ITIH6: variants seen among roughly 807,000 people sequenced by gnomAD.
The protein encoded by ITIH6 is inter-alpha-trypsin inhibitor heavy chain H6.
In ITIH6, 60 loss-of-function variants were observed where a neutral mutation model predicts 58.2. The observed-to-expected ratio is 1.03, with a 90% confidence interval of 0.84 to 1.28. ITIH6 has a LOEUF of 1.28. Ranked by LOEUF, ITIH6 falls within the 50% of genes most tolerant of loss-of-function variation. The pLI is 0.00. For missense variants in ITIH6, 1,290 were observed against 1,021.1 expected (o/e 1.26, Z -3.59); for synonymous variants, 493 against 417.4 (o/e 1.18, Z -2.21).
At chrX:54,798,023 C>G (rs1413363752) in intron 1 of ITIH6, 86 bp downstream of exon 1, 4 of 612,422 alleles carry the variant, frequency 6.5e-6, no homozygotes, top group Non-Finnish European at 1.0e-5. Flanking sequence ...ACTGAAGAAA[C>G]ACACTGAATA....
At chrX:54,753,416 A>G (rs1285434126) in intron 11 of ITIH6, among the ~76,000 whole-genome samples, 1 of 111,552 alleles carries the variant, frequency 9.0e-6, no homozygotes, top group African/African-American at 3.3e-5. Context: ...TTGAAGTTCC[A>G]TCATATTTGT....
intron 6 of ITIH6, among the ~76,000 whole-genome samples, chrX:54,764,839 A>T (rs1359883825): frequency 1.1e-4 from 11 of 100,465 alleles, no homozygotes; most frequent in Admixed American, 3.3e-4. Flanking sequence ...CGCCACACTG[A>T]CTTCCACAAT....
rs1326501072 is a variant in ITIH6 at position 54,754,020 on chromosome X, G to T, written c.3203-55C>A. ...AGGGACTAATGTATCACATTCCTAG[G>T]AATTCTGGGACATACTCCCAGATAA... On this transcript the variant is annotated intron_variant, in intron 9 of 12. Transcript: ENST00000218436. The T allele has an allele frequency of 5.3e-6, 6 of 1,131,897 alleles. No individual in the cohort carries two copies. In the East Asian group the frequency reaches 1.5e-4, roughly 28 times the overall value. 93.3% of individuals were successfully genotyped at this position (1,131,897 alleles called of 1,213,427 possible).
At chrX:54,765,538 T>A (rs1241372201) in intron 6 of ITIH6, among the ~76,000 whole-genome samples, 4 of 110,589 alleles carry the variant, frequency 3.6e-5, no homozygotes, top group Non-Finnish European at 7.6e-5. Flanking sequence ...CATTGCTTAT[T>A]TTTCTCAGGT....
At chrX:54,761,056 A>G (rs764167170) in intron 6 of ITIH6, among the ~76,000 whole-genome samples, 1 of 111,996 alleles carries the variant, frequency 8.9e-6, no homozygotes, top group South Asian at 3.7e-4. Context: ...TCCCACCAAC[A>G]GTGTAAAAGT....
chrX:54,777,829 A>G (rs1929079367), intron 5 of ITIH6, among the ~76,000 whole-genome samples: 1 of 112,488 alleles, frequency 8.9e-6, no homozygotes, highest in Non-Finnish European at 1.9e-5. Context: ...TCTTTCCAAG[A>G]AGGACAGGTA....
intron 2 of ITIH6, among the ~76,000 whole-genome samples, chrX:54,795,411 A>G: frequency 8.9e-6 from 1 of 111,788 alleles, no homozygotes; most frequent in East Asian, 2.8e-4. Context: ...ATGTTTTGAG[A>G]GTATAGGATC....
At chrX:54,765,471 C>G (rs1156439034) in intron 6 of ITIH6, among the ~76,000 whole-genome samples, 1 of 105,943 alleles carries the variant, frequency 9.4e-6, no homozygotes, top group East Asian at 2.9e-4. Flanking sequence ...TTTCAGCTTT[C>G]TACATATGGC....
chrX:54,755,231 A>T (rs1016722197), intron 8 of ITIH6, 122 bp from the exon 9 acceptor site: 4 of 520,369 alleles, frequency 7.7e-6, no homozygotes, highest in Non-Finnish European at 1.3e-5. Context: ...CAGGACTGGG[A>T]CCTTATGCTC....
chrX:54,774,134 C>T lies in ITIH6; in HGVS notation c.850G>A (p.Val284Met). The T allele has an allele frequency of 8.4e-7, 1 of 1,184,612 alleles. No homozygotes were observed. The highest frequency in any genetic ancestry group is 1.1e-6 in the Non-Finnish European group (1 of 879,519). Residue 284 changes from valine (V) to methionine (M), a missense_variant, in exon 6 of 13, where the codon GTG (valine) becomes ATG (methionine). By Grantham distance (21) the Val-to-Met change is conservative (BLOSUM62 1). Transcript: ENST00000218436. ...PRGLPPMEKN[V>M]VFVIDVSSSM... Reference sequence around the variant, plus strand: ...CTGCTTACGTCAATAACAAAAACCACATTCTTCTCCATAGGTGGAAGGCCT... The same window carrying T: ...CTGCTTACGTCAATAACAAAAACCATATTCTTCTCCATAGGTGGAAGGCCT...
At chrX:54,763,462 C>A (rs1027660150) in intron 6 of ITIH6, among the ~76,000 whole-genome samples, 1 of 112,046 alleles carries the variant, frequency 8.9e-6, no homozygotes, top group East Asian at 2.8e-4. Flanking sequence ...TGAGATTTCC[C>A]AGCTATCTTT....
At chrX:54,751,634 A>G (rs1195309876) in intron 11 of ITIH6, among the ~76,000 whole-genome samples, 3 of 112,145 alleles carry the variant, frequency 2.7e-5, no homozygotes, top group Admixed American at 9.4e-5. Flanking sequence ...CTGAGTGTGT[A>G]ATATGTGTGT....
chrX:54,758,485 A>G lies in ITIH6; in HGVS notation c.1589T>C (p.Leu530Pro). ...GGCCCCTTCACTGTGGTGGGCCACA[A>G]GAAGCTGATCCTTGGGGCCACGGGC... ...LAARGPKDQL[L>P]VAHHSEGATN... The change falls in exon 8 of 13, where the codon CTT becomes CCT. Residue 530 changes from leucine (L) to proline (P), a missense_variant. Transcript: ENST00000218436. 2 of 1,210,600 alleles carry G rather than the reference A, an allele frequency of 1.7e-6. No individual in the cohort carries two copies. The highest frequency in any genetic ancestry group is 1.7e-5 in the African/African-American group (1 of 57,855).
intron 5 of ITIH6, among the ~76,000 whole-genome samples, chrX:54,779,678 A>C (rs1306577827): frequency 9.0e-6 from 1 of 111,530 alleles, no homozygotes; most frequent in East Asian, 2.8e-4. Flanking sequence ...TGGCAGGAGT[A>C]AGTCCTTACT....
At position 54,751,170 on chromosome X, in the gene ITIH6, T is replaced by A. The variant is rs1928348946; in HGVS notation, c.3563A>T (p.Glu1188Val). The A allele has an allele frequency of 8.3e-7, 1 of 1,211,197 alleles. No homozygotes were observed. The highest frequency in any genetic ancestry group is 1.7e-5 in the African/African-American group (1 of 57,814). ...QPALLKRPQLELYVAAAARLT... is the reference protein window; with the variant it reads ...QPALLKRPQLVLYVAAAARLT... Reference sequence around the variant, plus strand: ...GCGGGCTGCAGCAGCCACATAGAGCTCCAGCTGGGGCCTCTTCAGCAGGGC... The same window carrying A: ...GCGGGCTGCAGCAGCCACATAGAGCACCAGCTGGGGCCTCTTCAGCAGGGC... The change falls in exon 12 of 13, where the codon GAG (glutamate) becomes GTG (valine). Residue 1188 changes from glutamate to valine, a missense_variant. Transcript: ENST00000218436.
At chrX:54,753,840 G>C (rs1444264069) in intron 10 of ITIH6, 76 bp from the exon 11 acceptor site, 9 of 1,109,453 alleles carry the variant, frequency 8.1e-6, no homozygotes, top group South Asian at 1.9e-5. Context: ...GAGGGAAAGG[G>C]AAGAGGTTAT....
chrX:54,755,107 T>A lies in ITIH6; in HGVS notation c.3112A>T (p.Ser1038Cys). The A allele has an allele frequency of 2.5e-6, 3 of 1,199,064 alleles. No individual in the cohort carries two copies. Among genetic ancestry groups the A allele is most frequent in the Non-Finnish European group, 3.4e-6 (3 of 885,276 alleles). The change falls in exon 9 of 13, where the codon AGT becomes TGT. Residue 1038 changes from serine (S) to cysteine (C), a missense_variant and splice_region_variant. Coordinates refer to ENST00000218436, the MANE Select transcript of ITIH6 (RefSeq NM_198510.3). Reference sequence around the variant, plus strand: ...TCAGAATTGCCATCCCAGTTTGGACTTCCTGCCAAGCACAAAAGAAATAAG... The same window carrying A: ...TCAGAATTGCCATCCCAGTTTGGACATCCTGCCAAGCACAAAAGAAATAAG... The part of the protein sequence containing the change: ...YTFLTPDEDG[S>C]PNWDGNSEEI...
chrX:54,756,379 G>A lies in ITIH6; in HGVS notation c.3109+586C>T, dbSNP rs12012796. On this transcript the variant is annotated intron_variant, in intron 8 of 12. Transcript: ENST00000218436. ...CCTCTCTGTGCTTCATTCTCCTCAC[G>A]TGTAAAATGACGATGTCAAGAAAGA... 2.7e-5 allele frequency among the ~76,000 whole-genome samples: 3 copies of A among 111,855 alleles called. No individual in the cohort carries two copies. In the South Asian group the frequency reaches 1.1e-3, roughly 42 times the overall value.
In ITIH6 at chrX:54,762,753, G is replaced by A. The variant is rs181851792; in HGVS notation, c.904-2826C>T. Among the ~76,000 whole-genome samples, 9 of 112,036 alleles carry A rather than the reference G, an allele frequency of 8.0e-5. No individual in the cohort carries two copies. The East Asian group carries it at 2.5e-3, about 32-fold the overall frequency. ...TATCCAAATATTGAACCCTTTGAGA[G>A]AAGGGCTTATAATGTTGCTGCTTCT... is the stretch of plus-strand genomic sequence containing the variant. On this transcript the variant is annotated intron_variant, in intron 6 of 12. Coordinates refer to ENST00000218436, the MANE Select transcript of ITIH6 (RefSeq NM_198510.3).
Sources: allele counts gnomAD v4.1 joint callset (sites outside exome capture counted in the v4.1 genomes callset), GRCh38; gene constraint gnomAD v4.1.1; transcripts MANE v1.5; gene names NCBI Gene and HGNC (gene_info 2026-07-23, HGNC 2026-07-21).